RUNX1T1: variants seen among roughly 807,000 people sequenced by gnomAD.
RUNX1T1 encodes the protein protein CBFA2T1.
A neutral mutation model predicts 62.8 loss-of-function variants in RUNX1T1; 4 were observed. The observed-to-expected ratio is 0.06, with a 90% CI of 0.03 to 0.15. RUNX1T1 has a LOEUF of 0.15. Among genes scored for constraint, RUNX1T1 ranks in the 10% least tolerant of loss-of-function variants. The pLI is 1.00. For missense variants in RUNX1T1, 508 were observed against 754.3 expected (o/e 0.67, Z 3.82); for synonymous variants, 291 against 286.0 (o/e 1.02, Z -0.18).
intron 1 of RUNX1T1, among the ~76,000 whole-genome samples, chr8:92,077,750 C>T (rs1206732802): frequency 1.3e-5 from 2 of 152,050 alleles, no homozygotes; most frequent in Non-Finnish European, 2.9e-5. Flanking sequence ...CTCTACTGAG[C>T]AAACGAACCA....
chr8:91,982,960 C>T (rs1815711790), intron 8 of RUNX1T1, among the ~76,000 whole-genome samples: 1 of 140,692 alleles, frequency 7.1e-6, no homozygotes, highest in Non-Finnish European at 1.5e-5. Flanking sequence ...CAGAGTCTTG[C>T]CCTGTCGTCT....
chr8:92,008,026 T>C (rs1427133119), intron 4 of RUNX1T1, among the ~76,000 whole-genome samples: 1 of 151,018 alleles, frequency 6.6e-6, no homozygotes, highest in Non-Finnish European at 1.5e-5. Flanking sequence ...AAAAATATGA[T>C]TTATAATCTT....
chr8:92,026,176 T>TTACA (rs1825114336), intron 1 of RUNX1T1, among the ~76,000 whole-genome samples: 1 of 152,178 alleles, frequency 6.6e-6, no homozygotes, highest in Non-Finnish European at 1.5e-5. Flanking sequence ...AATGGGCATA[T>TTACA]TTTACATTTT....
At chr8:92,091,029 G>C (rs960421352) in intron 1 of RUNX1T1, among the ~76,000 whole-genome samples, 1 of 152,138 alleles carries the variant, frequency 6.6e-6, no homozygotes, top group Non-Finnish European at 1.5e-5. Context: ...AGAGCCCTGA[G>C]CACACTTAGA....
At position 91,959,412 on chromosome 8, in the gene RUNX1T1, TTGTGTGTGTGTGTGTG is replaced by T. The variant is rs56037232; in HGVS notation, c.*814_*829del. On this transcript the variant is annotated 3_prime_UTR_variant, in exon 11 of 11. Coordinates refer to ENST00000396218, the Ensembl canonical transcript of RUNX1T1. ...ATTAACTGCAGGCTGAGTCTCTTAC[TTGTGTGTGTGTGTGTG>T]TGTGTGTGTGTGTGTGTGTGTGTGT... 5.0e-3 allele frequency: 697 copies of T among 139,404 alleles called. 7 individuals carry two copies. Among genetic ancestry groups the T allele is most frequent in the Middle Eastern group, 8.7e-3 (4 of 462 alleles). The allele number at this position is 139,404 out of a possible 1,614,324, so 8.6% of individuals were successfully genotyped here.
intron 1 of RUNX1T1, among the ~76,000 whole-genome samples, chr8:92,087,756 C>T (rs1226601461): frequency 6.6e-6 from 1 of 152,180 alleles, no homozygotes; most frequent in Non-Finnish European, 1.5e-5. Flanking sequence ...CTATCAGATG[C>T]TGTAAAAGGT....
chr8:91,982,532 A>G (rs1422386472), intron 8 of RUNX1T1, among the ~76,000 whole-genome samples: 1 of 152,214 alleles, frequency 6.6e-6, no homozygotes, highest in East Asian at 1.9e-4. Flanking sequence ...CTATACATAT[A>G]AAAGTAATTC....
At chr8:91,975,972 G>C in exon 9 of RUNX1T1, 1 of 1,610,898 alleles carries the variant, frequency 6.2e-7, no homozygotes, top group Non-Finnish European at 8.5e-7. Flanking sequence ...CCCGATGCGC[G>C]TCTATGAAAA....
downstream of RUNX1T1, chr8:91,956,990 GAA>G (rs911913545): frequency 3.0e-5 from 5 of 165,096 alleles, no homozygotes; most frequent in African/African-American, 5.1e-5. Context: ...AAAAATTTAA[GAA>G]AAAAAAAAGA....
intron 10 of RUNX1T1, among the ~76,000 whole-genome samples, chr8:91,965,388 C>T (rs1225472904): frequency 6.6e-6 from 1 of 152,150 alleles, no homozygotes; most frequent in Non-Finnish European, 1.5e-5. Context: ...ATAACTTCTT[C>T]TGCTGTTTGT....
intron 1 of RUNX1T1, among the ~76,000 whole-genome samples, chr8:92,085,109 A>G (rs1835891921): frequency 6.6e-6 from 1 of 152,224 alleles, no homozygotes; most frequent in Non-Finnish European, 1.5e-5. Context: ...TTTCTAGATG[A>G]AAAGGGTAGC....
intron 4 of RUNX1T1, chr8:92,006,288 G>T (rs1820758957): frequency 6.6e-6 from 1 of 152,020 alleles, no homozygotes; most frequent in Admixed American, 6.6e-5. Context: ...TTTGGGGAGG[G>T]GCAGTAAGGG....
chr8:92,078,855 G>T (rs188499798), intron 1 of RUNX1T1, among the ~76,000 whole-genome samples: 8 of 152,236 alleles, frequency 5.3e-5, no homozygotes, highest in Admixed American at 2.0e-4. Flanking sequence ...AACCATATGC[G>T]CAATGTATTT....
chr8:92,071,050 C>T (rs1833596543), intron 2 of RUNX1T1, among the ~76,000 whole-genome samples: 1 of 152,206 alleles, frequency 6.6e-6, no homozygotes, highest in South Asian at 2.1e-4. Context: ...CCAAGCACTT[C>T]TCAGAATATT....
At chr8:91,959,983 A>G (rs994398505) in exon 11 of RUNX1T1, 6 of 510,950 alleles carry the variant, frequency 1.2e-5, no homozygotes, top group Admixed American at 3.3e-5. Flanking sequence ...ATTTCATGTT[A>G]TATTCTCTGC....
chr8:92,020,803 G>A (rs1823932011), intron 1 of RUNX1T1, among the ~76,000 whole-genome samples: 1 of 148,892 alleles, frequency 6.7e-6, no homozygotes, highest in South Asian at 2.1e-4. Flanking sequence ...GGGCCTTCTA[G>A]AAGTGGTATG....
At chr8:92,041,698 C>G (rs763729331) in intron 1 of RUNX1T1, among the ~76,000 whole-genome samples, 1 of 152,074 alleles carries the variant, frequency 6.6e-6, no homozygotes, top group Non-Finnish European at 1.5e-5. Flanking sequence ...GCCGAGATCA[C>G]GCAACTGCAC....
At chr8:92,062,937 T>C (rs1249514558) in exon 1 of RUNX1T1, 3 of 1,278,638 alleles carry the variant, frequency 2.3e-6, no homozygotes, top group African/African-American at 3.0e-5. Flanking sequence ...TTCAGAATGA[T>C]AAGCTAAATG....
At chr8:92,001,522 G>T (rs1819756711) in intron 5 of RUNX1T1, among the ~76,000 whole-genome samples, 1 of 152,174 alleles carries the variant, frequency 6.6e-6, no homozygotes, top group African/African-American at 2.4e-5. Flanking sequence ...CATGGCCTTT[G>T]CATTGAAAGT....
Sources: gnomAD v4.1 joint callset for allele counts (sites outside exome capture counted in the v4.1 genomes callset) on GRCh38, gnomAD v4.1.1 for gene constraint, MANE v1.5 for transcripts, NCBI Gene and HGNC (gene_info 2026-07-23, HGNC 2026-07-21) for gene names.